EIF4E2: variants seen among roughly 807,000 people sequenced by gnomAD.
The protein encoded by EIF4E2 is eukaryotic translation initiation factor 4E type 2.
Under a neutral mutation model 34.2 loss-of-function variants are expected in EIF4E2, and 13 were observed. The ratio of observed to expected loss-of-function variants is 0.38; its 90% confidence interval spans 0.25 to 0.60. The LOEUF (loss-of-function observed/expected upper bound fraction) is 0.60. Among genes scored for constraint, EIF4E2 ranks in the 20% least tolerant of loss-of-function variants. The probability of loss-of-function intolerance (pLI) is 0.62; values close to 1 mark genes in which losing one functional copy is unlikely to be tolerated. For synonymous variants in EIF4E2, 100 were observed against 106.6 expected (o/e 0.94, Z 0.38); for missense variants, 222 against 315.1 (o/e 0.70, Z 2.24).
chr2:232,583,104 C>G (rs1693397932), exon 7 of EIF4E2: 1 of 152,160 alleles, frequency 6.6e-6, no homozygotes, highest in Non-Finnish European at 1.5e-5. Flanking sequence ...CCATGGGCCT[C>G]TGATATGCTG....
chr2:232,581,274 A>G lies in EIF4E2; in HGVS notation c.*331A>G, dbSNP rs1331889817. The G allele has an allele frequency of 4.6e-6, 2 of 435,290 alleles. No homozygotes were observed. Among genetic ancestry groups the G allele is most frequent in the East Asian group, 1.0e-4 (2 of 19,394 alleles). The allele number at this position is 435,290 out of a possible 1,614,324, so 27.0% of individuals were successfully genotyped here. On this transcript the variant is annotated 3_prime_UTR_variant, in exon 7 of 7. Transcript: ENST00000409098. This position sits in a 1 kb window ranked among gnomAD's most constrained non-coding sequence, Gnocchi z 5.2. ...GTTGTTCTCTTCCCGTGTTGTACGA[A>G]GGGTACCGTGGCCACGTGTACATGC...
intron 6 of EIF4E2, chr2:232,574,332 C>G (rs1159083082): frequency 6.4e-7 from 1 of 1,550,568 alleles, no homozygotes; most frequent in Non-Finnish European, 8.7e-7. Context: ...CTCTGTCTCT[C>G]ACACTCAGGG....
At chr2:232,564,176 C>A in intron 3 of EIF4E2, 71 bp from the exon 4 acceptor site, 1 of 1,021,820 alleles carries the variant, frequency 9.8e-7, no homozygotes, top group South Asian at 1.5e-5. Flanking sequence ...TTAACTAAAT[C>A]TCAACCTTGG....
intron 3 of EIF4E2, among the ~76,000 whole-genome samples, chr2:232,563,803 T>G (rs1223736225): frequency 6.6e-6 from 1 of 152,218 alleles, no homozygotes; most frequent in Non-Finnish European, 1.5e-5. Context: ...AAACAATCTT[T>G]CATCGGTAAG....
intron 6 of EIF4E2, among the ~76,000 whole-genome samples, chr2:232,576,357 C>A (rs1050469653): frequency 6.6e-6 from 1 of 152,084 alleles, no homozygotes; most frequent in Non-Finnish European, 1.5e-5. Context: ...AAAATGAAAG[C>A]GGAATAGTCA....
downstream of EIF4E2, among the ~76,000 whole-genome samples, chr2:232,572,024 A>G (rs1449818634): frequency 1.3e-5 from 2 of 152,332 alleles, no homozygotes; most frequent in South Asian, 4.1e-4. Context: ...AGTGGTCTTA[A>G]AAGAGCTCTT....
At chr2:232,557,307 C>A (rs1190008376) in intron 2 of EIF4E2, among the ~76,000 whole-genome samples, 2 of 138,394 alleles carry the variant, frequency 1.4e-5, no homozygotes, top group Non-Finnish European at 3.1e-5. Flanking sequence ...TATTGAGTAA[C>A]CCTCCAAGGG....
In EIF4E2 at chr2:232,583,430, CGT is replaced by C. The variant is rs3085875; in HGVS notation, c.*2512_*2513del. The C allele has an allele frequency of 5.7e-3, 627 of 109,398 alleles. 2 individuals are homozygous for C. Among genetic ancestry groups the C allele is most frequent in the African/African-American group, 0.014 (456 of 31,722 alleles). 6.8% of individuals were successfully genotyped at this position (109,398 alleles called of 1,614,324 possible). A position where few individuals can be genotyped will look rare whatever the true frequency, so the allele number is the denominator to read the frequency against. On this transcript the variant is annotated 3_prime_UTR_variant, in exon 7 of 7. Coordinates refer to the EIF4E2 transcript ENST00000409098. ...TGTCTGCTTTTTGAATCCTTCTGTT[CGT>C]GTGTGTGTGTGTGTGTGTGTGTGTT...
chr2:232,569,303 A>G, downstream of EIF4E2: 1 of 1,187,580 alleles, frequency 8.4e-7, no homozygotes, highest in South Asian at 2.7e-5. Flanking sequence ...AGACTTTTCC[A>G]TGGAGGGCCA....
chr2:232,568,526 G>A (rs977528050), intron 6 of EIF4E2: 59 of 979,654 alleles, frequency 6.0e-5, no homozygotes, highest in Non-Finnish European at 7.0e-5. Context: ...CCAGGCTGGA[G>A]AGATCTACAC....
intron 3 of EIF4E2, among the ~76,000 whole-genome samples, chr2:232,562,197 A>G (rs917898591): frequency 2.0e-5 from 3 of 150,986 alleles, no homozygotes; most frequent in Non-Finnish European, 4.4e-5. Context: ...CCTGGGTAAC[A>G]GAGCAAGACC....
Position 232,568,927 on chromosome 2 carries a change from C to T in EIF4E2, c.666-18C>T. 1 of 1,614,170 alleles carries T rather than the reference C, an allele frequency of 6.2e-7. No individual in the cohort carries two copies. Among genetic ancestry groups the T allele is most frequent in the East Asian group, 2.2e-5 (1 of 44,868 alleles). On this transcript the variant is annotated intron_variant, in intron 6 of 6. Transcript: ENST00000258416. ...CTCTTTCCTCTCCCAATGAGCCAAC[C>T]TTTTGCACTTCCACTAGAATGCCAG...
At chr2:232,567,526 A>G (rs1692978785) in intron 6 of EIF4E2, 2 of 1,240,664 alleles carry the variant, frequency 1.6e-6, no homozygotes, top group Non-Finnish European at 2.0e-6. Flanking sequence ...ATGAAAGACA[A>G]GTGCTTTTCT....
At chr2:232,574,179 A>T, downstream of EIF4E2, 1 of 1,343,872 alleles carries the variant, frequency 7.4e-7, no homozygotes, top group Non-Finnish European at 1.0e-6. Flanking sequence ...CTGAAGGGGG[A>T]TGTGGGGTTA....
chr2:232,566,340 C>T lies in EIF4E2; in HGVS notation c.376-489C>T, dbSNP rs142661280. Among the ~76,000 whole-genome samples, 371 of 152,274 alleles carry T rather than the reference C, an allele frequency of 2.4e-3. 2 individuals are homozygous for T. The highest frequency in any genetic ancestry group is 8.1e-3 in the African/African-American group (335 of 41,572). On this transcript the variant is annotated intron_variant, in intron 4 of 6. Coordinates refer to ENST00000258416, the MANE Select transcript of EIF4E2 (RefSeq NM_004846.4). This position sits in a 1 kb window ranked among gnomAD's most constrained non-coding sequence, Gnocchi z 4.9. The stretch of plus-strand genomic sequence containing the variant: ...TAGCTGGGACTACAGGCGCCCACCA[C>T]CATGCCCGGCTAATTTTGTTTTTGT...
In EIF4E2 at chr2:232,567,075, T is replaced by A; in HGVS notation, c.529-3T>A. 1 of 1,613,084 alleles carries A rather than the reference T, an allele frequency of 6.2e-7. No homozygotes were observed. The highest frequency in any genetic ancestry group is 8.5e-7 in the Non-Finnish European group (1 of 1,179,450). Reference sequence around the variant, plus strand: ...TTGATGATTCCTTCTGTTCCTCTGGTAGGAAGACATTATTTCAATATGGAA... The same window carrying A: ...TTGATGATTCCTTCTGTTCCTCTGGAAGGAAGACATTATTTCAATATGGAA... On this transcript the variant is annotated splice_polypyrimidine_tract_variant and splice_region_variant and intron_variant, in intron 5 of 6. Transcript: ENST00000258416.
At position 232,565,415 on chromosome 2, in the gene EIF4E2, C is replaced by T. The variant is rs371787261; in HGVS notation, c.375+1064C>T. On this transcript the variant is annotated intron_variant, in intron 4 of 6. Transcript: ENST00000258416. The stretch of plus-strand genomic sequence containing the variant: ...TTGGGAGGTCGAGGTGGACAGATCA[C>T]CTGAGGTCAGGAGTTTGAGGCCAGC... Among the ~76,000 whole-genome samples, 281 of 152,272 alleles carry T rather than the reference C, an allele frequency of 1.8e-3. 2 individuals are homozygous for T. The highest frequency in any genetic ancestry group is 6.5e-3 in the African/African-American group (269 of 41,542).
downstream of EIF4E2, chr2:232,569,917 G>C (rs996047438): frequency 6.6e-6 from 1 of 152,242 alleles, no homozygotes; most frequent in Non-Finnish European, 1.5e-5. Flanking sequence ...CGGACCCCTT[G>C]TGTGCTTTGT....
At position 232,566,391 on chromosome 2, in the gene EIF4E2, C is replaced by T. The variant is rs971596649; in HGVS notation, c.376-438C>T. Among the ~76,000 whole-genome samples the T allele has an allele frequency of 1.3e-5, 2 of 152,186 alleles. No homozygotes were observed. The highest frequency in any genetic ancestry group is 2.4e-5 in the African/African-American group (1 of 41,452). ...ATTTTTAGTAGAGACGCGGTTTCAC[C>T]GTGTCAGCCAGGATGGTCTCGATCT... On this transcript the variant is annotated intron_variant, in intron 4 of 6. Transcript: ENST00000258416. This position sits in a 1 kb window ranked among gnomAD's most constrained non-coding sequence, Gnocchi z 4.9.
Sources: allele counts gnomAD v4.1 joint callset (sites outside exome capture counted in the v4.1 genomes callset), GRCh38; gene constraint gnomAD v4.1.1; non-coding constraint Gnocchi (gnomAD v3.1); transcripts MANE v1.5; gene names NCBI Gene and HGNC (gene_info 2026-07-23, HGNC 2026-07-21).